Variants in MYO10 observed in about 807,000 individuals in gnomAD.
MYO10 encodes unconventional myosin-X.
In MYO10, 133 loss-of-function variants were observed where a neutral mutation model predicts 257.3. That is an observed-to-expected ratio of 0.52 (90% confidence interval 0.45 to 0.60). The LOEUF is 0.60. Ranked by LOEUF, MYO10 falls within the 20% of genes least tolerant of loss-of-function variation. MYO10 has a pLI of 0.00. For synonymous variants in MYO10, 1,104 were observed against 1,028.6 expected, an observed-to-expected ratio of 1.07 and a Z score of -1.40; for missense variants, 2,399 against 2,635.7, an observed-to-expected ratio of 0.91 and a Z score of 1.97.
At chr5:16,747,022 G>A (rs1740215772) in intron 19 of MYO10, among the ~76,000 whole-genome samples, 2 of 152,172 alleles carry the variant, frequency 1.3e-5, no homozygotes, top group South Asian at 4.1e-4. Context: ...AAAGGCCTGT[G>A]GGTGAATACC....
intron 4 of MYO10, among the ~76,000 whole-genome samples, chr5:16,789,624 A>G (rs970167718): frequency 1.3e-5 from 2 of 152,116 alleles, no homozygotes; most frequent in African/African-American, 4.8e-5. Flanking sequence ...CTCATATCGT[A>G]AAAATACGAT....
At chr5:16,861,586 A>T (rs1209466420) in intron 2 of MYO10, among the ~76,000 whole-genome samples, 1 of 152,120 alleles carries the variant, frequency 6.6e-6, no homozygotes, top group Non-Finnish European at 1.5e-5. Context: ...AAAAGAAAAA[A>T]AGCTATTGCA....
At chr5:16,680,167 C>T in intron 32 of MYO10, 63 bp from the exon 33 acceptor site, 2 of 1,550,764 alleles carry the variant, frequency 1.3e-6, no homozygotes, top group Non-Finnish European at 1.8e-6. Context: ...TGAGGCAATG[C>T]CTGTGTCCTC....
chr5:16,703,272 C>A (rs1024650296), intron 22 of MYO10, 114 bp from the exon 23 acceptor site: 1 of 761,940 alleles, frequency 1.3e-6, no homozygotes. Context: ...TAGAATGAGA[C>A]TCTCATTATG....
intron 37 of MYO10, among the ~76,000 whole-genome samples, chr5:16,672,308 AGT>A (rs1736504339): frequency 7.9e-5 from 12 of 151,826 alleles, no homozygotes; most frequent in African/African-American, 2.7e-4. Flanking sequence ...AAAAAAAAAA[AGT>A]AGGTCCATTT....
chr5:16,757,146 C>T (rs1355827211), intron 18 of MYO10, among the ~76,000 whole-genome samples: 2 of 136,584 alleles, frequency 1.5e-5, no homozygotes, highest in Non-Finnish European at 3.1e-5. Context: ...AAAAAAAAGT[C>T]GGGTGTAGTG....
At chr5:16,700,928 C>T (rs1484591579) in intron 25 of MYO10, 35 bp downstream of exon 25, 5 of 1,512,244 alleles carry the variant, frequency 3.3e-6, no homozygotes, top group Middle Eastern at 1.9e-4. Flanking sequence ...TGACCGGCCA[C>T]CCATTTCACT....
intron 4 of MYO10, among the ~76,000 whole-genome samples, chr5:16,787,653 G>A (rs1198033764): frequency 1.4e-5 from 2 of 141,176 alleles, no homozygotes; most frequent in Admixed American, 7.1e-5. Context: ...CTATAATAAT[G>A]AAAATGTGAA....
At chr5:16,889,651 G>C in intron 1 of MYO10, among the ~76,000 whole-genome samples, 1 of 151,850 alleles carries the variant, frequency 6.6e-6, no homozygotes, top group East Asian at 1.9e-4. Context: ...GTATAAAACT[G>C]TCCCACTAAG....
chr5:16,901,156 C>T (rs1282934166), intron 1 of MYO10, among the ~76,000 whole-genome samples: 1 of 152,138 alleles, frequency 6.6e-6, no homozygotes, highest in East Asian at 1.9e-4. Context: ...CTCTTCTCAG[C>T]TCTCACCCAG....
chr5:16,761,477 G>A lies in MYO10; in HGVS notation c.1726C>T (p.Leu576=). ...AGACTGACATACCGGCTTTCTCTTA[G>A]CAAATTGAGAAGGTCATCTCGAAAT... ...DTFRDDLLNL[L]RESRFDFIYD... is the part of the protein sequence containing the mutation. Residue 576 remains leucine (L), a synonymous_variant, in exon 17 of 41, where the codon CTA becomes TTA. Coordinates refer to ENST00000513610, the MANE Select transcript of MYO10 (RefSeq NM_012334.3). 1.2e-6 allele frequency: 2 copies of A among 1,612,648 alleles called. No homozygotes were observed. The highest frequency in any genetic ancestry group is 2.2e-5 in the South Asian group (2 of 91,034).
At chr5:16,825,841 C>T (rs1208299370) in intron 2 of MYO10, among the ~76,000 whole-genome samples, 4 of 151,102 alleles carry the variant, frequency 2.6e-5, no homozygotes, top group African/African-American at 9.7e-5. Context: ...ACAGCGAGAC[C>T]CTGTCTCAAA....
intron 19 of MYO10, among the ~76,000 whole-genome samples, chr5:16,727,578 T>C (rs960942958): frequency 6.6e-6 from 1 of 152,176 alleles, no homozygotes; most frequent in African/African-American, 2.4e-5. Flanking sequence ...CACGAAGAAT[T>C]TCCATTAACA....
At chr5:16,830,966 G>A (rs1327127792) in intron 2 of MYO10, among the ~76,000 whole-genome samples, 1 of 152,150 alleles carries the variant, frequency 6.6e-6, no homozygotes, top group Admixed American at 6.6e-5. Flanking sequence ...AGGGTCCTGT[G>A]CTGATGGAAA....
At chr5:16,796,345 AGAG>A (rs777865922) in intron 3 of MYO10, among the ~76,000 whole-genome samples, 1,639 of 135,532 alleles carry the variant, frequency 0.012, 21 homozygotes, top group Non-Finnish European at 0.017. Flanking sequence ...AAAGGGAAAG[AGAG>A]GAAGAAAGGA....
chr5:16,732,518 T>C (rs893041921), intron 19 of MYO10, among the ~76,000 whole-genome samples: 1 of 152,226 alleles, frequency 6.6e-6, no homozygotes, highest in Non-Finnish European at 1.5e-5. Context: ...TCAGCTCCTT[T>C]ATTCAGACGT....
At chr5:16,699,765 C>A (rs952849417) in intron 25 of MYO10, 192 bp from the exon 26 acceptor site, 71 of 220,810 alleles carry the variant, frequency 3.2e-4, no homozygotes, top group East Asian at 4.9e-4. Flanking sequence ...CCAGCCTGGG[C>A]AACAGAGCAA....
intron 25 of MYO10, 127 bp downstream of exon 25, chr5:16,700,836 T>TCTAAGA: frequency 8.3e-7 from 1 of 1,205,018 alleles, no homozygotes; most frequent in Non-Finnish European, 1.1e-6. Context: ...TAAGATGATC[T>TCTAAGA]CTAAGACCAC....
At chr5:16,908,167 G>A (rs1745564833) in intron 1 of MYO10, among the ~76,000 whole-genome samples, 1 of 151,934 alleles carries the variant, frequency 6.6e-6, no homozygotes, top group Non-Finnish European at 1.5e-5. Context: ...AGAGACAAAG[G>A]TTGCAGTGAG....
Sources: allele counts gnomAD v4.1 joint callset (sites outside exome capture counted in the v4.1 genomes callset), GRCh38; gene constraint gnomAD v4.1.1; transcripts MANE v1.5; gene names NCBI Gene and HGNC (gene_info 2026-07-23, HGNC 2026-07-21).